The following CPNE1 variants were observed in gnomAD, a reference collection of about 807,000 sequenced individuals.
CPNE1 encodes the protein copine 1, also known as copine-1.
In CPNE1, 58 loss-of-function variants were observed where a neutral mutation model predicts 63.2. The observed-to-expected ratio is 0.92, with a 90% CI of 0.74 to 1.14. CPNE1 has a LOEUF of 1.14. Ranked by LOEUF, CPNE1 falls within the 50% of genes most tolerant of loss-of-function variation. The pLI is 0.00. For missense variants in CPNE1, 672 were observed against 661.7 expected, an observed-to-expected ratio of 1.02 and a Z score of -0.17; for synonymous variants, 237 against 249.0, an observed-to-expected ratio of 0.95 and a Z score of 0.45.
intron 1 of CPNE1, among the ~76,000 whole-genome samples, chr20:35,634,304 G>A (rs960353174): frequency 1.5e-4 from 23 of 148,490 alleles, no homozygotes; most frequent in African/African-American, 5.8e-4. Flanking sequence ...GCCTCTGCCT[G>A]AACCCTCTAG....
chr20:35,631,603 T>G, intron 7 of CPNE1, 25 bp from the exon 8 acceptor site: 1 of 1,611,082 alleles, frequency 6.2e-7, no homozygotes, highest in Non-Finnish European at 8.5e-7. Flanking sequence ...TGTGTGGACA[T>G]AAACAAGCCA....
intron 1 of CPNE1, among the ~76,000 whole-genome samples, chr20:35,638,127 A>C (rs904655231): frequency 6.6e-6 from 1 of 152,196 alleles, no homozygotes; most frequent in African/African-American, 2.4e-5. Flanking sequence ...GCTGGATATT[A>C]TCTCTGTATC....
intron 1 of CPNE1, among the ~76,000 whole-genome samples, chr20:35,647,848 G>A (rs899230894): frequency 2.0e-5 from 3 of 150,882 alleles, no homozygotes; most frequent in African/African-American, 4.9e-5. Context: ...AGATCAGGAG[G>A]TGGGGACTAT....
chr20:35,630,900 C>A lies in CPNE1; in HGVS notation c.995+1G>T. 3.1e-6 allele frequency: 5 copies of A among 1,604,450 alleles called. 1 individual carries two copies. In the South Asian group the frequency reaches 4.5e-5, roughly 14 times the overall value. ...TATAGCCCAGAGAAGCAGGTACTCA[C>A]GAGTCATAGTCCTGAACCACGCTGC... On this transcript the variant is annotated splice_donor_variant, in intron 11 of 15. Transcript: ENST00000397443. LOFTEE classifies it high-confidence loss of function.
intron 11 of CPNE1, 30 bp downstream of exon 11, chr20:35,630,871 C>CG (rs1568910212): frequency 2.5e-6 from 4 of 1,601,460 alleles, no homozygotes; most frequent in Non-Finnish European, 3.4e-6. Context: ...CTGCAGGGAG[C>CG]GGGTATAGCC....
At chr20:35,634,184 C>G (rs1199571399) in intron 1 of CPNE1, among the ~76,000 whole-genome samples, 3 of 149,630 alleles carry the variant, frequency 2.0e-5, no homozygotes, top group Non-Finnish European at 4.4e-5. Context: ...TGGCGTGAAT[C>G]CGGGAGGCAG....
At chr20:35,650,455 A>G (rs1232426002) in intron 1 of CPNE1, 1 of 152,658 alleles carries the variant, frequency 6.6e-6, no homozygotes. Context: ...AATGGAGAAA[A>G]TATCTGTGGC....
intron 1 of CPNE1, chr20:35,651,995 A>C (rs998486580): frequency 1.3e-5 from 2 of 152,726 alleles, no homozygotes; most frequent in African/African-American, 4.8e-5. Flanking sequence ...AAGGACCCTT[A>C]AGAAGCAATA....
At position 35,630,977 on chromosome 20, in the gene CPNE1, A is replaced by G. The variant is rs142070667; in HGVS notation, c.919T>C (p.Tyr307His). Residue 307 changes from tyrosine to histidine, a missense_variant, in exon 11 of 16, where the codon TAC becomes CAC. Physicochemically the swap from Tyr to His is moderately conservative, Grantham distance 83 (BLOSUM62 2). Coordinates refer to ENST00000397443, the MANE Select transcript of CPNE1 (RefSeq NM_152925.3). ...TCATTGACCCCTGTTGGACTCAGGT[A>G]GTGTAGGGAGTCAGGTGAGGAGGGG... The part of the protein sequence containing the change: ...GDPSSPDSLH[Y>H]LSPTGVNEYL... 500 of 1,614,088 alleles carry G rather than the reference A, an allele frequency of 3.1e-4. No individual in the cohort carries two copies. Among genetic ancestry groups the G allele is most frequent in the Non-Finnish European group, 3.9e-4 (466 of 1,179,970 alleles).
chr20:35,642,709 C>A (rs987219175), intron 1 of CPNE1, among the ~76,000 whole-genome samples: 24 of 152,164 alleles, frequency 1.6e-4, no homozygotes, highest in Admixed American at 1.3e-3. Context: ...CAAACTGAAC[C>A]AAAAATGAAA....
At chr20:35,627,222 A>G in intron 14 of CPNE1, 58 bp downstream of exon 14, 2 of 1,335,294 alleles carry the variant, frequency 1.5e-6, no homozygotes, top group African/African-American at 1.7e-5. Context: ...CCTTTGTTCC[A>G]TAACCCTCAA....
At chr20:35,636,492 G>A (rs939007659) in intron 1 of CPNE1, among the ~76,000 whole-genome samples, 5 of 152,138 alleles carry the variant, frequency 3.3e-5, no homozygotes, top group Non-Finnish European at 7.3e-5. Context: ...ATATTATATT[G>A]GTATCCTATG....
intron 1 of CPNE1, among the ~76,000 whole-genome samples, chr20:35,633,542 G>GCTTA (rs1447047993): frequency 5.3e-5 from 8 of 152,062 alleles, no homozygotes; most frequent in Non-Finnish European, 8.8e-5. Context: ...TTGTCACCTG[G>GCTTA]CTTACAGCAT....
At chr20:35,653,675 T>C (rs2033700940) in intron 1 of CPNE1, 3 of 1,614,208 alleles carry the variant, frequency 1.9e-6, no homozygotes, top group Non-Finnish European at 8.5e-7. Context: ...AATGGAATAT[T>C]TGTTATGTGG....
At position 35,632,531 on chromosome 20, in the gene CPNE1, ACTCAGCACC is replaced by A; in HGVS notation, c.286_294del (p.Gly96_Glu98del). ...GCCCTACATACCTGTCCTAGGGAAC[ACTCAGCACC>A]CCCTAGGAAGTCATCATCCCTCAGC... is the stretch of plus-strand genomic sequence containing the variant. On this transcript the variant is annotated inframe_deletion, in exon 3 of 16. Coordinates refer to ENST00000397443, the MANE Select transcript of CPNE1 (RefSeq NM_152925.3). 5 of 1,613,512 alleles carry A rather than the reference ACTCAGCACC, an allele frequency of 3.1e-6. No individual in the cohort carries two copies. Among genetic ancestry groups the A allele is most frequent in the Non-Finnish European group, 4.2e-6 (5 of 1,179,670 alleles).
At chr20:35,649,432 T>G (rs992626660) in intron 1 of CPNE1, 1 of 152,476 alleles carries the variant, frequency 6.6e-6, no homozygotes, top group Admixed American at 6.5e-5. Flanking sequence ...TTTCATCCAG[T>G]GGGTTAAGAC....
At chr20:35,655,963 CTT>C (rs1333954121) in intron 1 of CPNE1, among the ~76,000 whole-genome samples, 2 of 152,096 alleles carry the variant, frequency 1.3e-5, no homozygotes, top group Admixed American at 6.5e-5. Flanking sequence ...TTCAATCTGC[CTT>C]GTACATTACA....
intron 1 of CPNE1, among the ~76,000 whole-genome samples, chr20:35,639,368 ACT>A (rs2032673379): frequency 6.6e-6 from 1 of 151,994 alleles, no homozygotes; most frequent in African/African-American, 2.4e-5. Flanking sequence ...ACAGAGTCTC[ACT>A]CTGTTGCCCA....
intron 13 of CPNE1, among the ~76,000 whole-genome samples, chr20:35,629,027 CT>C (rs1030944322): frequency 1.3e-5 from 2 of 152,220 alleles, no homozygotes; most frequent in African/African-American, 4.8e-5. Context: ...TATTTTTAAT[CT>C]TTTTTCCCTT....
Sources: gnomAD v4.1 joint callset for allele counts (sites outside exome capture counted in the v4.1 genomes callset) on GRCh38, gnomAD v4.1.1 for gene constraint, MANE v1.5 for transcripts, NCBI Gene and HGNC (gene_info 2026-07-23, HGNC 2026-07-21) for gene names.